The following RABGAP1L variants were observed in gnomAD, a reference collection of about 807,000 sequenced individuals.
The protein encoded by RABGAP1L is rab GTPase-activating protein 1-like.
Under a neutral mutation model 137.7 loss-of-function variants are expected in RABGAP1L, and 63 were observed. That is an observed-to-expected ratio of 0.46 (90% confidence interval 0.37 to 0.56). The LOEUF (loss-of-function observed/expected upper bound fraction) is 0.56, where lower values mean the gene tolerates loss of function less well. Ranked by LOEUF, RABGAP1L falls within the 20% of genes least tolerant of loss-of-function variation. RABGAP1L has a pLI of 0.00. For synonymous variants in RABGAP1L, 431 were observed against 433.7 expected (o/e 0.99, Z 0.08); for missense variants, 1,095 against 1,244.0 (o/e 0.88, Z 1.80).
At chr1:174,277,548 A>T (rs1675107813) in intron 9 of RABGAP1L, among the ~76,000 whole-genome samples, 1 of 151,574 alleles carries the variant, frequency 6.6e-6, no homozygotes, top group African/African-American at 2.4e-5. Flanking sequence ...TAATATTCTG[A>T]TTCAAAGTAT....
intron 13 of RABGAP1L, among the ~76,000 whole-genome samples, chr1:174,402,349 T>C (rs995647099): frequency 4.6e-5 from 7 of 152,138 alleles, no homozygotes; most frequent in Non-Finnish European, 1.0e-4. Context: ...TTAAGAGTAA[T>C]AAAGAAAAGG....
intron 19 of RABGAP1L, among the ~76,000 whole-genome samples, chr1:174,881,892 G>A (rs553273029): frequency 5.9e-5 from 9 of 151,908 alleles, no homozygotes; most frequent in African/African-American, 1.9e-4. Flanking sequence ...ATGCAGTTTC[G>A]CACTTGTTGC....
At chr1:174,206,942 G>A (rs1439721924) in intron 1 of RABGAP1L, among the ~76,000 whole-genome samples, 1 of 152,048 alleles carries the variant, frequency 6.6e-6, no homozygotes, top group East Asian at 1.9e-4. Flanking sequence ...GTAGGTATGG[G>A]GGAGAAGTGT....
chr1:174,567,278 C>A (rs1279342574), intron 13 of RABGAP1L, among the ~76,000 whole-genome samples: 1 of 152,100 alleles, frequency 6.6e-6, no homozygotes, highest in Non-Finnish European at 1.5e-5. Flanking sequence ...ACATTATTTT[C>A]CTTCTATATC....
At chr1:174,661,132 T>A (rs951377621) in intron 14 of RABGAP1L, among the ~76,000 whole-genome samples, 2 of 152,210 alleles carry the variant, frequency 1.3e-5, no homozygotes, top group Non-Finnish European at 2.9e-5. Context: ...GAACTACTAT[T>A]AGAAAACTTT....
chr1:174,610,285 T>G (rs542262933), intron 13 of RABGAP1L, among the ~76,000 whole-genome samples: 213 of 147,284 alleles, frequency 1.4e-3, no homozygotes, highest in Non-Finnish European at 2.7e-3. Context: ...AATTCCCACC[T>G]ATGAGTGAGA....
chr1:174,765,935 CT>C (rs1397448155), intron 18 of RABGAP1L, among the ~76,000 whole-genome samples: 4 of 152,104 alleles, frequency 2.6e-5, no homozygotes, highest in Admixed American at 6.5e-5. Flanking sequence ...TGTTTCCCCC[CT>C]ACCCCCAAAA....
At chr1:174,807,983 T>C (rs1409476717) in intron 18 of RABGAP1L, among the ~76,000 whole-genome samples, 2 of 149,978 alleles carry the variant, frequency 1.3e-5, no homozygotes, top group Non-Finnish European at 3.0e-5. Flanking sequence ...AAATTCTTTT[T>C]TTTTTTTTTT....
intron 17 of RABGAP1L, among the ~76,000 whole-genome samples, chr1:174,706,068 AAAAG>A (rs1165711174): frequency 1.3e-5 from 2 of 152,182 alleles, no homozygotes; most frequent in Non-Finnish European, 2.9e-5. Context: ...TGCAAAGTGA[AAAAG>A]AAAGACACTG....
Position 174,318,993 on chromosome 1 carries a change from TGTAA to T in RABGAP1L, c.1465+13869_1465+13872del, listed in dbSNP as rs546578489. ...TGTCTTTTAACCTTCATACTGAAGA[TGTAA>T]GTGATTTACATACTGCCATTACAGT... is the stretch of plus-strand genomic sequence containing the variant. On this transcript the variant is annotated intron_variant, in intron 11 of 25. Coordinates refer to ENST00000681986, the MANE Select transcript of RABGAP1L (RefSeq NM_001366446.1). 7.2e-5 allele frequency among the ~76,000 whole-genome samples: 11 copies of T among 152,226 alleles called. No individual in the cohort carries two copies. In the South Asian group the frequency reaches 2.1e-3, roughly 29 times the overall value.
At chr1:174,720,515 C>T (rs1049543831) in intron 17 of RABGAP1L, among the ~76,000 whole-genome samples, 3 of 151,896 alleles carry the variant, frequency 2.0e-5, no homozygotes, top group Non-Finnish European at 2.9e-5. Context: ...AGGGTTTTGC[C>T]ATGTTGCCCA....
At chr1:174,922,617 G>A (rs1373581582) in intron 19 of RABGAP1L, among the ~76,000 whole-genome samples, 1 of 152,154 alleles carries the variant, frequency 6.6e-6, no homozygotes, top group African/African-American at 2.4e-5. Flanking sequence ...CCAGGCCTTT[G>A]ATCATTTTGT....
At chr1:174,843,108 G>C (rs887262914) in intron 19 of RABGAP1L, among the ~76,000 whole-genome samples, 1 of 151,792 alleles carries the variant, frequency 6.6e-6, no homozygotes, top group African/African-American at 2.4e-5. Context: ...CCCTGGAGTA[G>C]TAATTTTAAT....
At chr1:174,947,699 T>C (rs1667103788) in intron 19 of RABGAP1L, among the ~76,000 whole-genome samples, 1 of 152,094 alleles carries the variant, frequency 6.6e-6, no homozygotes, top group South Asian at 2.1e-4. Context: ...GGATTACAGG[T>C]GTAAGCCACC....
intron 11 of RABGAP1L, among the ~76,000 whole-genome samples, chr1:174,358,972 T>A (rs1420049987): frequency 6.6e-6 from 1 of 152,192 alleles, no homozygotes. Flanking sequence ...TATGATGGTA[T>A]GGGCCTAGGG....
intron 19 of RABGAP1L, among the ~76,000 whole-genome samples, chr1:174,820,903 G>A (rs1690949127): frequency 6.6e-6 from 1 of 151,886 alleles, no homozygotes; most frequent in African/African-American, 2.4e-5. Flanking sequence ...TATAATCCTA[G>A]CTACTCAGGA....
At chr1:174,217,437 G>C (rs1361233404) in intron 1 of RABGAP1L, among the ~76,000 whole-genome samples, 1 of 152,138 alleles carries the variant, frequency 6.6e-6, no homozygotes, top group Non-Finnish European at 1.5e-5. Flanking sequence ...TGTGACAAGG[G>C]AAAAGGTCAG....
chr1:174,661,513 C>A (rs1557961060), intron 14 of RABGAP1L, among the ~76,000 whole-genome samples: 2 of 152,136 alleles, frequency 1.3e-5, no homozygotes, highest in Non-Finnish European at 2.9e-5. Flanking sequence ...AATATACCTA[C>A]ATTAATATTT....
intron 19 of RABGAP1L, among the ~76,000 whole-genome samples, chr1:174,839,039 G>GTGTGTGTGTT (rs1553261085): frequency 4.1e-5 from 6 of 147,014 alleles, no homozygotes; most frequent in Non-Finnish European, 6.0e-5. Flanking sequence ...GTGTGTGTGT[G>GTGTGTGTGTT]TGTGTGTGTG....
Sources: gnomAD v4.1 joint callset for allele counts (sites outside exome capture counted in the v4.1 genomes callset) on GRCh38, gnomAD v4.1.1 for gene constraint, MANE v1.5 for transcripts, NCBI Gene and HGNC (gene_info 2026-07-23, HGNC 2026-07-21) for gene names.